The following PLPP3 variants were observed in gnomAD, a reference collection of about 807,000 sequenced individuals.
PLPP3 encodes PAP2 beta.
Under a neutral mutation model 29.6 loss-of-function variants are expected in PLPP3, and 6 were observed. The observed-to-expected ratio is 0.20, with a 90% CI of 0.11 to 0.40. The LOEUF (loss-of-function observed/expected upper bound fraction) is 0.40. Ranked by LOEUF, PLPP3 falls within the 10% of genes least tolerant of loss-of-function variation. PLPP3 has a pLI of 1.00. For missense variants in PLPP3, 308 were observed against 407.7 expected (o/e 0.76, Z 2.11); for synonymous variants, 152 against 159.7 (o/e 0.95, Z 0.36).
intron 5 of PLPP3, among the ~76,000 whole-genome samples, chr1:56,505,628 A>G (rs1645697288): frequency 6.6e-6 from 1 of 152,126 alleles, no homozygotes; most frequent in African/African-American, 2.4e-5. Flanking sequence ...TATAGTAAAT[A>G]TATTTCCTCT....
At chr1:56,570,155 G>C (rs910780473) in intron 1 of PLPP3, among the ~76,000 whole-genome samples, 2 of 152,140 alleles carry the variant, frequency 1.3e-5, no homozygotes, top group Non-Finnish European at 2.9e-5. Context: ...TGAAAGACAG[G>C]TACAAACATA....
intron 5 of PLPP3, among the ~76,000 whole-genome samples, chr1:56,502,960 T>G (rs973450550): frequency 2.6e-5 from 4 of 152,222 alleles, no homozygotes; most frequent in Admixed American, 6.5e-5. Flanking sequence ...TCTACCATAC[T>G]GAACAATCTC....
intron 2 of PLPP3, among the ~76,000 whole-genome samples, chr1:56,534,654 G>T (rs754740372): frequency 6.6e-6 from 1 of 152,150 alleles, no homozygotes; most frequent in Non-Finnish European, 1.5e-5. Context: ...GAAATGTGTC[G>T]ACGTCATCGT....
At chr1:56,518,715 T>TTATATATATA (rs145573744) in intron 4 of PLPP3, among the ~76,000 whole-genome samples, 5,610 of 126,552 alleles carry the variant, frequency 0.044, 336 homozygotes, top group Middle Eastern at 0.066. Flanking sequence ...TTTTAATCAT[T>TTATATATATA]TATATATATA....
At chr1:56,538,394 C>A in intron 1 of PLPP3, 1 of 337,338 alleles carries the variant, frequency 3.0e-6, no homozygotes, top group Non-Finnish European at 5.9e-6. Context: ...CTAGGGAAGA[C>A]CACCAAAAAC....
In PLPP3 at chr1:56,579,137, G is replaced by A; in HGVS notation, c.-121C>T. The A allele has an allele frequency of 3.7e-6, 5 of 1,358,278 alleles. No homozygotes were observed. Among genetic ancestry groups the A allele is most frequent in the Non-Finnish European group, 3.9e-6 (4 of 1,033,310 alleles). The allele number at this position is 1,358,278 out of a possible 1,614,324, so 84.1% of individuals were successfully genotyped here. A position where few individuals can be genotyped will look rare whatever the true frequency, so the allele number is the denominator to read the frequency against. ...CTGCGGATAGTGGCGGGTCGGCCCC[G>A]GCTCCGGGCGCGGCGGCTAGAGTGC... On this transcript the variant is annotated 5_prime_UTR_variant, in exon 1 of 6. Transcript: ENST00000371250.
At chr1:56,548,894 C>T (rs1262310261) in intron 1 of PLPP3, among the ~76,000 whole-genome samples, 2 of 148,012 alleles carry the variant, frequency 1.4e-5, no homozygotes, top group African/African-American at 5.0e-5. Flanking sequence ...TAAGGCTATA[C>T]CAAAAAAAAA....
At chr1:56,569,886 C>T (rs895769203) in intron 1 of PLPP3, among the ~76,000 whole-genome samples, 1 of 152,180 alleles carries the variant, frequency 6.6e-6, no homozygotes, top group African/African-American at 2.4e-5. Context: ...ATACCTTCTC[C>T]CCCTTCCTGG....
chr1:56,566,217 T>C (rs1337654967), intron 1 of PLPP3, among the ~76,000 whole-genome samples: 1 of 152,132 alleles, frequency 6.6e-6, no homozygotes, highest in African/African-American at 2.4e-5. Context: ...TGGACGACGC[T>C]TCAGGGGTTG....
chr1:56,496,628 G>A lies in PLPP3; in HGVS notation c.859C>T (p.Pro287Ser). The change falls in exon 6 of 6, where the codon CCT (proline) becomes TCT (serine). Residue 287 changes from proline (P) to serine (S), a missense_variant. Physicochemically the swap from Pro to Ser is moderately conservative, Grantham distance 74. Coordinates refer to ENST00000371250, the MANE Select transcript of PLPP3 (RefSeq NM_003713.5). ...ATTTCCTTCCGGATAGCAGGGGCAG[G>A]CAGGGAGAGCGTCGTCTTAGTCTTG... ...LFKTKTTLSLPAPAIRKEILS... is the reference protein window; with the variant it reads ...LFKTKTTLSLSAPAIRKEILS... 6.2e-7 allele frequency: 1 copy of A among 1,613,888 alleles called. No homozygotes were observed. Among genetic ancestry groups the A allele is most frequent in the East Asian group, 2.2e-5 (1 of 44,870 alleles).
At chr1:56,520,984 A>C (rs1473802116) in intron 4 of PLPP3, among the ~76,000 whole-genome samples, 1 of 150,228 alleles carries the variant, frequency 6.7e-6, no homozygotes, top group African/African-American at 2.5e-5. Context: ...CTGTAGTCCC[A>C]GCACTTTGGG....
intron 2 of PLPP3, among the ~76,000 whole-genome samples, chr1:56,531,077 T>C (rs2100258699): frequency 6.6e-6 from 1 of 152,262 alleles, no homozygotes; most frequent in Admixed American, 6.5e-5. Context: ...ATGATGACAG[T>C]ATCAAAAGCA....
chr1:56,578,646 C>T (rs113738209), intron 1 of PLPP3, among the ~76,000 whole-genome samples: 3 of 152,274 alleles, frequency 2.0e-5, no homozygotes, highest in African/African-American at 7.2e-5. Flanking sequence ...CAGTTGCCCA[C>T]GAACGCTTAA....
intron 1 of PLPP3, among the ~76,000 whole-genome samples, chr1:56,546,142 C>G (rs750309124): frequency 3.9e-5 from 6 of 152,210 alleles, no homozygotes; most frequent in Non-Finnish European, 8.8e-5. Context: ...TAAACCAGCT[C>G]TAAAGTGTGT....
intron 5 of PLPP3, among the ~76,000 whole-genome samples, chr1:56,503,853 C>T (rs559220840): frequency 3.0e-4 from 45 of 152,294 alleles, no homozygotes; most frequent in Non-Finnish European, 5.9e-4. Flanking sequence ...GATCTCCACT[C>T]ACTGCAGCCT....
intron 5 of PLPP3, among the ~76,000 whole-genome samples, chr1:56,498,388 G>A (rs561406324): frequency 3.0e-4 from 45 of 152,268 alleles, no homozygotes; most frequent in African/African-American, 1.0e-3. Flanking sequence ...AAACAGACTC[G>A]ATTAAAGTTC....
chr1:56,576,262 T>G (rs1646235008), intron 1 of PLPP3, among the ~76,000 whole-genome samples: 2 of 152,086 alleles, frequency 1.3e-5, no homozygotes, highest in South Asian at 4.1e-4. Context: ...GAAAACTGTC[T>G]CTCTTCTTAA....
chr1:56,530,957 TA>T (rs1304657444), intron 2 of PLPP3, among the ~76,000 whole-genome samples: 3 of 152,214 alleles, frequency 2.0e-5, no homozygotes, highest in Non-Finnish European at 4.4e-5. Flanking sequence ...TGCCTTAAAG[TA>T]GAGCTCAAGT....
intron 1 of PLPP3, among the ~76,000 whole-genome samples, chr1:56,573,997 C>T (rs149259909): frequency 2.0e-4 from 31 of 152,110 alleles, no homozygotes; most frequent in South Asian, 4.2e-4. Context: ...GTCAGGAGAT[C>T]GAGACCATCT....
Sources: allele counts gnomAD v4.1 joint callset (sites outside exome capture counted in the v4.1 genomes callset), GRCh38; gene constraint gnomAD v4.1.1; transcripts MANE v1.5; gene names NCBI Gene and HGNC (gene_info 2026-07-23, HGNC 2026-07-21).